The following COL24A1 variants were observed in gnomAD, a reference collection of about 807,000 sequenced individuals.
The protein encoded by COL24A1 is collagen type XXIV alpha 1 chain.
In COL24A1, 224 loss-of-function variants were observed where a neutral mutation model predicts 253.9. The observed-to-expected ratio is 0.88, with a 90% CI of 0.79 to 0.99. The LOEUF (loss-of-function observed/expected upper bound fraction) is 0.99, where lower values mean the gene tolerates loss of function less well. Among genes scored for constraint, COL24A1 ranks in the 50% least tolerant of loss-of-function variants. COL24A1 has a pLI of 0.00. For synonymous variants in COL24A1, 685 were observed against 673.7 expected, an observed-to-expected ratio of 1.02 and a Z score of -0.26; for missense variants, 2,131 against 2,068.5, an observed-to-expected ratio of 1.03 and a Z score of -0.59.
intron 32 of COL24A1, chr1:85,883,715 A>G (rs1053221785): frequency 6.6e-6 from 1 of 152,096 alleles, no homozygotes; most frequent in African/African-American, 2.4e-5. Context: ...GCCATCTCCA[A>G]TCCCTGTACT....
chr1:85,846,983 A>T (rs1677204260), intron 39 of COL24A1, among the ~76,000 whole-genome samples: 2 of 152,184 alleles, frequency 1.3e-5, no homozygotes, highest in Admixed American at 1.3e-4. Context: ...TGGAGACTAC[A>T]CTAAATGGAA....
chr1:86,104,346 T>C (rs190528570), intron 5 of COL24A1, among the ~76,000 whole-genome samples: 1 of 152,350 alleles, frequency 6.6e-6, no homozygotes, highest in African/African-American at 2.4e-5. Context: ...ATGATCTTTG[T>C]TCCTGTTCAT....
chr1:85,875,057 T>C lies in COL24A1; in HGVS notation c.3084+220A>G, dbSNP rs2102596810. Among the ~76,000 whole-genome samples, 4 of 152,314 alleles carry C rather than the reference T, an allele frequency of 2.6e-5. 1 individual carries two copies. Among genetic ancestry groups the C allele is most frequent in the Admixed American group, 2.6e-4 (4 of 15,308 alleles). On this transcript the variant is annotated intron_variant, in intron 34 of 59. Coordinates refer to ENST00000370571, the MANE Select transcript of COL24A1 (RefSeq NM_152890.7). ...GAAACCATCCCCTGCTCTGCTTCCA[T>C]CTGTGGAAAAACTGTCTTCCATGAA...
chr1:86,004,595 C>A (rs1234852489), intron 19 of COL24A1, among the ~76,000 whole-genome samples: 1 of 152,040 alleles, frequency 6.6e-6, no homozygotes, highest in African/African-American at 2.4e-5. Flanking sequence ...GAGTTTTGTC[C>A]CAAATAGGAT....
At chr1:85,864,804 T>C (rs1679596964) in intron 37 of COL24A1, among the ~76,000 whole-genome samples, 1 of 152,210 alleles carries the variant, frequency 6.6e-6, no homozygotes, top group Non-Finnish European at 1.5e-5. Context: ...GTCCTAAACA[T>C]ATAAAACAGG....
chr1:85,946,100 C>T (rs1158000728), intron 24 of COL24A1, among the ~76,000 whole-genome samples: 1 of 152,106 alleles, frequency 6.6e-6, no homozygotes, highest in African/African-American at 2.4e-5. Flanking sequence ...ACTTGTTTTC[C>T]CTCTGAGAGT....
chr1:86,065,200 A>G (rs747980250), intron 7 of COL24A1, among the ~76,000 whole-genome samples: 7 of 151,878 alleles, frequency 4.6e-5, no homozygotes, highest in Non-Finnish European at 1.0e-4. Flanking sequence ...TCCTTTTCCT[A>G]TTTTTTTAAA....
At chr1:85,744,529 T>C (rs1339653979) in intron 57 of COL24A1, 137 bp downstream of exon 57, 2 of 637,680 alleles carry the variant, frequency 3.1e-6, no homozygotes, top group Non-Finnish European at 5.2e-6. Flanking sequence ...AATTTTATTC[T>C]TGATGACATT....
intron 33 of COL24A1, 139 bp from the exon 34 acceptor site, chr1:85,875,469 A>G: frequency 1.6e-6 from 1 of 630,722 alleles, no homozygotes; most frequent in East Asian, 2.8e-5. Context: ...ATAGCATAAG[A>G]GCAGATTCTT....
chr1:85,964,245 T>C (rs1288416227), intron 23 of COL24A1, among the ~76,000 whole-genome samples: 1 of 152,170 alleles, frequency 6.6e-6, no homozygotes, highest in African/African-American at 2.4e-5. Context: ...CTCAATTCTG[T>C]ATGTAATAAA....
At chr1:85,744,626 T>C in intron 57 of COL24A1, 40 bp downstream of exon 57, 1 of 1,496,940 alleles carries the variant, frequency 6.7e-7, no homozygotes, top group Non-Finnish European at 9.2e-7. Flanking sequence ...AATGATGAAA[T>C]GAAATTCACT....
chr1:85,953,645 A>G (rs2100602759), intron 24 of COL24A1, among the ~76,000 whole-genome samples: 1 of 152,314 alleles, frequency 6.6e-6, no homozygotes, highest in Admixed American at 6.5e-5. Context: ...TTTGGCTATA[A>G]AAATCACAGT....
At chr1:85,849,262 T>C (rs370895536) in intron 38 of COL24A1, 91 bp downstream of exon 38, 1 of 818,046 alleles carries the variant, frequency 1.2e-6, no homozygotes, top group African/African-American at 1.7e-5. Context: ...TACTTTACTA[T>C]CTAGTCCAAA....
At chr1:85,772,637 T>A (rs959435212) in intron 53 of COL24A1, among the ~76,000 whole-genome samples, 3 of 152,142 alleles carry the variant, frequency 2.0e-5, no homozygotes, top group African/African-American at 7.2e-5. Flanking sequence ...TGAGCATTTT[T>A]TCACATGTCT....
At chr1:85,882,555 T>C (rs1454779089) in intron 32 of COL24A1, among the ~76,000 whole-genome samples, 3 of 151,824 alleles carry the variant, frequency 2.0e-5, no homozygotes, top group African/African-American at 7.3e-5. Flanking sequence ...TTGGTGAGTG[T>C]TCCATGTCAG....
In COL24A1 at chr1:86,130,151, C is replaced by T. The variant is rs113910187; in HGVS notation, c.122-3937G>A. 2.8e-3 allele frequency among the ~76,000 whole-genome samples: 422 copies of T among 151,902 alleles called. 3 individuals carry two copies. Among genetic ancestry groups the T allele is most frequent in the African/African-American group, 9.7e-3 (401 of 41,510 alleles). On this transcript the variant is annotated intron_variant, in intron 2 of 59. Transcript: ENST00000370571. ...ATTGGGTTTTATATTTTTGGCATTA[C>T]CTTAACTGGTAGTAAGACTAAGCTT... is the stretch of plus-strand genomic sequence containing the variant.
rs531631186 is a variant in COL24A1, at chr1:86,128,945, T to C, written c.122-2731A>G. Among the ~76,000 whole-genome samples the C allele has an allele frequency of 1.4e-4, 21 of 152,008 alleles. No homozygotes were observed. The East Asian group carries it at 3.5e-3, about 25-fold the overall frequency. The stretch of plus-strand genomic sequence containing the variant: ...TCAGTGTTTTTCTCTTATTGTCCTA[T>C]ATTTATCAGACAATAAAATTGAAAT... On this transcript the variant is annotated intron_variant, in intron 2 of 59. Transcript: ENST00000370571.
chr1:86,083,516 C>T (rs12754154), intron 7 of COL24A1, among the ~76,000 whole-genome samples: 50,867 of 151,784 alleles, frequency 0.34, 9,017 homozygotes, highest in Middle Eastern at 0.49. Flanking sequence ...AGAAAACTGC[C>T]CTTTTGTTTG....
intron 47 of COL24A1, among the ~76,000 whole-genome samples, chr1:85,802,515 C>G (rs1671538749): frequency 6.6e-6 from 1 of 152,094 alleles, no homozygotes; most frequent in Non-Finnish European, 1.5e-5. Flanking sequence ...CTCTCTCCTC[C>G]TCCCCACTCA....
Sources: allele counts gnomAD v4.1 joint callset (sites outside exome capture counted in the v4.1 genomes callset), GRCh38; gene constraint gnomAD v4.1.1; transcripts MANE v1.5; gene names NCBI Gene and HGNC (gene_info 2026-07-23, HGNC 2026-07-21).